The following CDH22 variants were observed in gnomAD, a reference collection of about 807,000 sequenced individuals.
The protein encoded by CDH22 is cadherin 22.
In CDH22, 30 loss-of-function variants were observed where a neutral mutation model predicts 58.4. The ratio of observed to expected loss-of-function variants is 0.51; its 90% CI spans 0.38 to 0.70. The LOEUF (loss-of-function observed/expected upper bound fraction) is 0.70, where lower values mean the gene tolerates loss of function less well. Ranked by LOEUF, CDH22 falls within the 30% of genes least tolerant of loss-of-function variation. CDH22 has a pLI of 0.00. For missense variants in CDH22, 1,014 were observed against 1,233.9 expected (o/e 0.82, Z 2.67); for synonymous variants, 513 against 558.2 (o/e 0.92, Z 1.14).
intron 2 of CDH22, among the ~76,000 whole-genome samples, chr20:46,249,361 A>G (rs1335482467): frequency 6.6e-6 from 1 of 152,174 alleles, no homozygotes; most frequent in African/African-American, 2.4e-5. Flanking sequence ...AGGCCCTGCC[A>G]CTAGGTTGCT....
At chr20:46,291,201 T>A (rs1299207797) in intron 1 of CDH22, among the ~76,000 whole-genome samples, 1 of 152,124 alleles carries the variant, frequency 6.6e-6, no homozygotes, top group African/African-American at 2.4e-5. Context: ...CACTTGAACC[T>A]GGGAGGCAGA....
chr20:46,287,874 G>C (rs1354382729), intron 1 of CDH22, among the ~76,000 whole-genome samples: 1 of 152,098 alleles, frequency 6.6e-6, no homozygotes, highest in African/African-American at 2.4e-5. Flanking sequence ...AGAGGAGGAT[G>C]TTGTCCAGGT....
At chr20:46,206,529 C>T (rs549483776) in intron 7 of CDH22, among the ~76,000 whole-genome samples, 4 of 152,222 alleles carry the variant, frequency 2.6e-5, no homozygotes, top group African/African-American at 7.2e-5. Flanking sequence ...TCCAGGGACA[C>T]GCCAAGCTTG....
At chr20:46,226,273 TCTTCTTCTTCTTC>T (rs2086173073) in intron 4 of CDH22, among the ~76,000 whole-genome samples, 2 of 5,346 alleles carry the variant, frequency 3.7e-4, no homozygotes, top group Admixed American at 1.9e-3. Context: ...TTCTTCTTCT[TCTTCTTCTTCTTC>T]TTCTTCTTTT....
chr20:46,199,951 CTTTTT>C (rs1199258297), intron 7 of CDH22, among the ~76,000 whole-genome samples: 6 of 49,870 alleles, frequency 1.2e-4, no homozygotes, highest in Non-Finnish European at 1.2e-4. Context: ...CCTTCTTTTT[CTTTTT>C]TGTTTATTTA....
chr20:46,218,861 C>A (rs2086104130), intron 4 of CDH22, among the ~76,000 whole-genome samples: 1 of 152,044 alleles, frequency 6.6e-6, no homozygotes, highest in Non-Finnish European at 1.5e-5. Context: ...GCATTCAGAG[C>A]CTCTCCCACC....
chr20:46,217,433 CACACACAGAT>C (rs1290965840), intron 4 of CDH22, among the ~76,000 whole-genome samples: 2 of 152,178 alleles, frequency 1.3e-5, no homozygotes, highest in Non-Finnish European at 2.9e-5. Flanking sequence ...TACATTCACA[CACACACAGAT>C]ACACACAGAT....
chr20:46,299,523 G>A (rs566015092), intron 1 of CDH22, among the ~76,000 whole-genome samples: 1 of 152,342 alleles, frequency 6.6e-6, no homozygotes, highest in South Asian at 2.1e-4. Flanking sequence ...GTTTGTGTGA[G>A]CACGCAGGTG....
rs1231289953 is a variant in CDH22, at chr20:46,174,053, G to T, written c.*453C>A. On this transcript the variant is annotated 3_prime_UTR_variant, in exon 12 of 12. Coordinates refer to ENST00000537909, the MANE Select transcript of CDH22 (RefSeq NM_021248.3). This position sits in a 1 kb window ranked among gnomAD's most constrained non-coding sequence, Gnocchi z 4.4. Reference sequence around the variant, plus strand: ...TCATGGTTTCTCTGACGACTGAGCTGGTCTCTGTACAGCGTCCCAGCACAC... The same window carrying T: ...TCATGGTTTCTCTGACGACTGAGCTTGTCTCTGTACAGCGTCCCAGCACAC... 3 of 170,376 alleles carry T rather than the reference G, an allele frequency of 1.8e-5. No individual in the cohort carries two copies. Among genetic ancestry groups the T allele is most frequent in the Non-Finnish European group, 2.5e-5 (2 of 80,918 alleles). 10.6% of individuals were successfully genotyped at this position (170,376 alleles called of 1,614,324 possible).
At chr20:46,277,700 AG>A (rs2086526619) in intron 1 of CDH22, among the ~76,000 whole-genome samples, 1 of 151,996 alleles carries the variant, frequency 6.6e-6, no homozygotes, top group African/African-American at 2.4e-5. Context: ...TAAGAGACCA[AG>A]GGGGAGGGGC....
chr20:46,256,850 A>T (rs1048767346), intron 1 of CDH22, among the ~76,000 whole-genome samples: 27 of 151,972 alleles, frequency 1.8e-4, no homozygotes, highest in African/African-American at 3.4e-4. Context: ...AAAACTATTT[A>T]AAAAAATTAG....
chr20:46,242,833 T>C (rs553476218), intron 2 of CDH22, among the ~76,000 whole-genome samples: 2 of 152,242 alleles, frequency 1.3e-5, no homozygotes, highest in Admixed American at 6.5e-5. Flanking sequence ...GTTATTATTA[T>C]ATTATTACTG....
chr20:46,181,973 C>T (rs1285559597), intron 10 of CDH22, among the ~76,000 whole-genome samples: 1 of 151,596 alleles, frequency 6.6e-6, no homozygotes, highest in East Asian at 1.9e-4. Context: ...TCTGCCACCA[C>T]GCCTGGCTAA....
intron 8 of CDH22, among the ~76,000 whole-genome samples, 180 bp downstream of exon 8, chr20:46,199,243 C>T (rs565677600): frequency 5.7e-4 from 87 of 152,240 alleles, no homozygotes; most frequent in Non-Finnish European, 1.1e-3. Context: ...TCGCCTTCAC[C>T]GCTGTGAGAT....
rs775364688 is a variant in CDH22, at chr20:46,186,814, C to A, written c.1545+12G>T. 7 of 1,599,098 alleles carry A rather than the reference C, an allele frequency of 4.4e-6. No individual in the cohort carries two copies. Among genetic ancestry groups the A allele is most frequent in the Admixed American group, 1.7e-5 (1 of 59,028 alleles). ...TGGAAGCAACGCCCAGTCCCCACCC[C>A]CTCAGGGGTACCTGGCCTGGCTTGG... On this transcript the variant is annotated intron_variant, in intron 9 of 11. Transcript: ENST00000537909.
intron 10 of CDH22, among the ~76,000 whole-genome samples, chr20:46,181,937 C>T (rs939621327): frequency 1.6e-4 from 25 of 151,732 alleles, no homozygotes; most frequent in Admixed American, 9.2e-4. Flanking sequence ...CTGCCTCAGC[C>T]TCCTAAGGAG....
At chr20:46,204,393 CAAAAAAAAAAAAA>C (rs3092239) in intron 7 of CDH22, among the ~76,000 whole-genome samples, 5 of 77,278 alleles carry the variant, frequency 6.5e-5, no homozygotes, top group African/African-American at 1.1e-4. Flanking sequence ...GACTCTGTCT[CAAAAAAAAAAAAA>C]AAAAAAAAAA....
intron 3 of CDH22, among the ~76,000 whole-genome samples, chr20:46,238,953 A>T (rs540007742): frequency 6.6e-6 from 1 of 152,382 alleles, no homozygotes; most frequent in East Asian, 1.9e-4. Context: ...TATGGTCTAC[A>T]TGGCTGCATG....
intron 8 of CDH22, among the ~76,000 whole-genome samples, chr20:46,196,427 C>A (rs2085903151): frequency 6.6e-6 from 1 of 152,174 alleles, no homozygotes; most frequent in Non-Finnish European, 1.5e-5. Context: ...GCACACGCCA[C>A]CATGCCCAGT....
Sources: allele counts gnomAD v4.1 joint callset (sites outside exome capture counted in the v4.1 genomes callset), GRCh38; gene constraint gnomAD v4.1.1; non-coding constraint Gnocchi (gnomAD v3.1); transcripts MANE v1.5; gene names NCBI Gene and HGNC (gene_info 2026-07-23, HGNC 2026-07-21).